The following FAR2 variants were observed in gnomAD, a reference collection of about 807,000 sequenced individuals.
FAR2 encodes epididymis secretory protein Li 81.
A neutral mutation model predicts 56.0 loss-of-function variants in FAR2; 19 were observed. That is an observed-to-expected ratio of 0.34 (90% CI 0.24 to 0.50). The LOEUF (loss-of-function observed/expected upper bound fraction) is 0.50. Ranked by LOEUF, FAR2 falls within the 20% of genes least tolerant of loss-of-function variation. The pLI is 0.98. For missense variants in FAR2, 508 were observed against 642.2 expected, an observed-to-expected ratio of 0.79 and a Z score of 2.26; for synonymous variants, 219 against 218.8, an observed-to-expected ratio of 1.00 and a Z score of -0.01.
chr12:29,293,518 G>C lies in FAR2; in HGVS notation c.365+43G>C, dbSNP rs968822334. On this transcript the variant is annotated intron_variant, in intron 3 of 11. Coordinates refer to ENST00000536681, the MANE Select transcript of FAR2 (RefSeq NM_001271783.2). ...TCTCATGGCTTGTATACATATGTGT[G>C]CATGTAAATTTCTTCATAGTTTCTG... 8 of 1,317,884 alleles carry C rather than the reference G, an allele frequency of 6.1e-6. No individual in the cohort carries two copies. The African/African-American group carries it at 1.2e-4, about 20-fold the overall frequency. The allele number at this position is 1,317,884 out of a possible 1,614,324, so 81.6% of individuals were successfully genotyped here. A position where few individuals can be genotyped will look rare whatever the true frequency, so the allele number is the denominator to read the frequency against.
chr12:29,296,933 G>GT (rs1449481272), intron 3 of FAR2, 88 bp from the exon 4 acceptor site: 3 of 1,257,286 alleles, frequency 2.4e-6, no homozygotes, highest in Middle Eastern at 2.0e-4. Context: ...AATCTGATAG[G>GT]TATGCCAGTT....
intron 1 of FAR2, among the ~76,000 whole-genome samples, chr12:29,244,507 T>G (rs1005706302): frequency 6.6e-5 from 10 of 152,218 alleles, no homozygotes; most frequent in Non-Finnish European, 1.2e-4. Context: ...GCAGAGACCC[T>G]GGAGACCAGG....
chr12:29,310,921 G>C (rs1949337233), intron 6 of FAR2, 107 bp from the exon 7 acceptor site: 2 of 811,954 alleles, frequency 2.5e-6, no homozygotes, highest in African/African-American at 3.4e-5. Context: ...ATCAATGTTA[G>C]CTGTTTTCAC....
intron 1 of FAR2, among the ~76,000 whole-genome samples, chr12:29,159,535 AG>A (rs1949762145): frequency 6.7e-6 from 1 of 149,324 alleles, no homozygotes; most frequent in Non-Finnish European, 1.5e-5. Context: ...AAAAAAAAAA[AG>A]AGGGTATGAT....
intron 1 of FAR2, among the ~76,000 whole-genome samples, chr12:29,232,545 A>G (rs1167147864): frequency 1.3e-5 from 2 of 152,078 alleles, no homozygotes; most frequent in African/African-American, 4.8e-5. Context: ...CACTACAGCT[A>G]TATCAAATAG....
chr12:29,235,542 G>A (rs1431326299), intron 1 of FAR2, among the ~76,000 whole-genome samples: 1 of 152,180 alleles, frequency 6.6e-6, no homozygotes, highest in Non-Finnish European at 1.5e-5. Context: ...AGAATTCCAA[G>A]CCATGGCAAG....
chr12:29,323,011 C>T (rs541647366), intron 10 of FAR2, among the ~76,000 whole-genome samples: 8 of 152,232 alleles, frequency 5.3e-5, no homozygotes, highest in Admixed American at 4.6e-4. Context: ...AGAAATCACC[C>T]GTCTTCTGCG....
At chr12:29,249,113 T>C (rs1029928463) in intron 1 of FAR2, among the ~76,000 whole-genome samples, 2 of 152,174 alleles carry the variant, frequency 1.3e-5, no homozygotes, top group African/African-American at 4.8e-5. Context: ...AAGACAGGCA[T>C]AGGAAATCAC....
intron 1 of FAR2, among the ~76,000 whole-genome samples, chr12:29,182,707 G>T (rs142174513): frequency 1.1e-4 from 16 of 152,294 alleles, no homozygotes; most frequent in African/African-American, 3.9e-4. Context: ...TAAGAGATTG[G>T]TTTAGTTGGG....
chr12:29,321,223 T>A (rs1369689760), intron 9 of FAR2, among the ~76,000 whole-genome samples: 1 of 151,922 alleles, frequency 6.6e-6, no homozygotes, highest in African/African-American at 2.4e-5. Flanking sequence ...TACAAGAAAG[T>A]ACAATAAAAA....
intron 1 of FAR2, among the ~76,000 whole-genome samples, chr12:29,224,940 C>T (rs908849902): frequency 6.6e-6 from 1 of 152,098 alleles, no homozygotes; most frequent in Non-Finnish European, 1.5e-5. Context: ...TAGTTAGAGC[C>T]GAGTGTAGTG....
In FAR2 at chr12:29,199,615, AG is replaced by A. The variant is rs1274740430; in HGVS notation, c.-39+50209del. On this transcript the variant is annotated intron_variant, in intron 1 of 11. Coordinates refer to ENST00000536681, the MANE Select transcript of FAR2 (RefSeq NM_001271783.2). ...ACCCCGTCTCAAAAAAAAAAAAAAA[AG>A]AAAGAAAAGAAACAAACAAACAAAA... is the stretch of plus-strand genomic sequence containing the variant. Among the ~76,000 whole-genome samples, 1,148 of 141,534 alleles carry A rather than the reference AG, an allele frequency of 8.1e-3. 32 individuals carry two copies. The highest frequency in any genetic ancestry group is 0.079 in the East Asian group (369 of 4,658). The allele number at this position is 141,534 out of a possible 152,430, so 92.9% of individuals were successfully genotyped here.
At chr12:29,289,576 C>T (rs985594332) in intron 2 of FAR2, among the ~76,000 whole-genome samples, 16 of 152,208 alleles carry the variant, frequency 1.1e-4, no homozygotes, top group Admixed American at 1.0e-3. Context: ...AGACTTCAAA[C>T]TATGAAACTA....
At chr12:29,176,789 C>T (rs1949943117) in intron 1 of FAR2, among the ~76,000 whole-genome samples, 2 of 151,600 alleles carry the variant, frequency 1.3e-5, no homozygotes, top group Non-Finnish European at 2.9e-5. Flanking sequence ...GCCTTAGCTA[C>T]TCTGTGTTCA....
rs1489134888 is a variant in FAR2 at position 29,308,705 on chromosome 12, C to CATATATAT, written c.724-480_724-479insTATATATA. On this transcript the variant is annotated intron_variant, in intron 5 of 11. Transcript: ENST00000536681. ...AGACACACAGACACACACACACACA[C>CATATATAT]ACACACACACACACATATATATATA... 2.7e-3 allele frequency among the ~76,000 whole-genome samples: 360 copies of CATATATAT among 132,580 alleles called. 5 individuals carry two copies. The highest frequency in any genetic ancestry group is 0.012 in the African/African-American group (346 of 28,188). 87.0% of individuals were successfully genotyped at this position (132,580 alleles called of 152,430 possible).
rs146589456 is a variant in FAR2, at chr12:29,332,635, G to A, written c.1293G>A (p.Leu431=). 432 of 1,613,662 alleles carry A rather than the reference G, an allele frequency of 2.7e-4. 2 individuals are homozygous for A. In the African/African-American group the frequency reaches 5.2e-3, roughly 19 times the overall value. ...FNFDVRQLNW[L]EYIENYVLGV... is the part of the protein sequence containing the mutation. Reference sequence around the variant, plus strand: ...TTGACGTGCGCCAGTTGAACTGGTTGGAATACATTGAAAATTATGTTTTGG... The same window carrying A: ...TTGACGTGCGCCAGTTGAACTGGTTAGAATACATTGAAAATTATGTTTTGG... Residue 431 remains leucine, a synonymous_variant, in exon 11 of 12, where the codon TTG becomes TTA. Coordinates refer to ENST00000536681, the MANE Select transcript of FAR2 (RefSeq NM_001271783.2).
intron 1 of FAR2, among the ~76,000 whole-genome samples, chr12:29,265,792 T>C (rs1360591924): frequency 1.3e-5 from 2 of 152,132 alleles, no homozygotes; most frequent in Admixed American, 6.5e-5. Flanking sequence ...AACCAGAATA[T>C]ATAAGGAACA....
intron 1 of FAR2, among the ~76,000 whole-genome samples, chr12:29,214,863 A>G (rs1947602093): frequency 6.6e-6 from 1 of 151,912 alleles, no homozygotes; most frequent in African/African-American, 2.4e-5. Context: ...AAAAAAATAA[A>G]GAACGTGAAC....
At chr12:29,183,665 T>G (rs1950012366) in intron 1 of FAR2, among the ~76,000 whole-genome samples, 1 of 152,254 alleles carries the variant, frequency 6.6e-6, no homozygotes, top group Non-Finnish European at 1.5e-5. Context: ...AGCAATCAAA[T>G]TTCATTTGAA....
Sources: allele counts gnomAD v4.1 joint callset (sites outside exome capture counted in the v4.1 genomes callset), GRCh38; gene constraint gnomAD v4.1.1; transcripts MANE v1.5; gene names NCBI Gene and HGNC (gene_info 2026-07-23, HGNC 2026-07-21).